Variants in LRBA observed in about 807,000 individuals in gnomAD.
LRBA encodes lipopolysaccharide-responsive and beige-like anchor protein.
Under a neutral mutation model 330.0 loss-of-function variants are expected in LRBA, and 176 were observed. The ratio of observed to expected loss-of-function variants is 0.53; its 90% CI spans 0.47 to 0.60. The LOEUF is 0.60. Ranked by LOEUF, LRBA falls within the 20% of genes least tolerant of loss-of-function variation. The probability of loss-of-function intolerance (pLI) is 0.00; values close to 1 mark genes in which losing one functional copy is unlikely to be tolerated. For missense variants in LRBA, 3,259 were observed against 3,444.8 expected (o/e 0.95, Z 1.35); for synonymous variants, 1,230 against 1,193.0 (o/e 1.03, Z -0.64).
intron 44 of LRBA, among the ~76,000 whole-genome samples, chr4:150,445,377 C>CTCTCTCTA (rs1454079183): frequency 3.2e-4 from 25 of 78,628 alleles, no homozygotes; most frequent in South Asian, 5.5e-4. Flanking sequence ...CTCTCTCTCT[C>CTCTCTCTA]TATATATATA....
At position 150,588,052 on chromosome 4, in the gene LRBA, G is replaced by A; in HGVS notation, c.6326C>T (p.Pro2109Leu). ...GAAACCCCTTCATCTTCTCACCTTGGGGTCGATTTTTTTGAAGTTAGGATC... is the reference window on the plus strand; with the variant it reads ...GAAACCCCTTCATCTTCTCACCTTGAGGTCGATTTTTTTGAAGTTAGGATC... ...EEDPNFKKID[P>L]KILAYTEGLH... The change falls in exon 40 of 57, where the codon CCC becomes CTC. Residue 2109 changes from proline (P) to leucine (L), a missense_variant. Transcript: ENST00000651943. The A allele has an allele frequency of 6.2e-7, 1 of 1,611,370 alleles. No homozygotes were observed. Among genetic ancestry groups the A allele is most frequent in the African/African-American group, 1.3e-5 (1 of 74,872 alleles).
Position 151,011,509 on chromosome 4 carries a change from A to G in LRBA, c.216+2918T>C, listed in dbSNP as rs192624207. Among the ~76,000 whole-genome samples, 289 of 150,676 alleles carry G rather than the reference A, an allele frequency of 1.9e-3. 1 individual carries two copies. The highest frequency in any genetic ancestry group is 6.6e-3 in the African/African-American group (272 of 41,104). Reference sequence around the variant, plus strand: ...GCTACTTGGGAGTCTGAGGCAGGAGAATCACTTGAACTCAGGAGGCAGAGG... The same window carrying G: ...GCTACTTGGGAGTCTGAGGCAGGAGGATCACTTGAACTCAGGAGGCAGAGG... On this transcript the variant is annotated intron_variant, in intron 2 of 56. Transcript: ENST00000651943.
chr4:150,968,809 T>G (rs1259248173), intron 2 of LRBA, among the ~76,000 whole-genome samples: 1 of 152,168 alleles, frequency 6.6e-6, no homozygotes, highest in Non-Finnish European at 1.5e-5. Flanking sequence ...ATCTAGGACT[T>G]TCCTAGATAC....
At chr4:150,533,866 A>G (rs1428347912) in intron 40 of LRBA, among the ~76,000 whole-genome samples, 2 of 152,272 alleles carry the variant, frequency 1.3e-5, no homozygotes, top group East Asian at 3.9e-4. Flanking sequence ...ACAGTGGCTG[A>G]TAAGTCAATC....
At chr4:150,726,463 T>G (rs1729687736) in intron 36 of LRBA, among the ~76,000 whole-genome samples, 1 of 152,126 alleles carries the variant, frequency 6.6e-6, no homozygotes, top group Admixed American at 6.5e-5. Context: ...TAAATAAATA[T>G]GCACTGTATT....
intron 2 of LRBA, among the ~76,000 whole-genome samples, chr4:151,005,123 A>G (rs1168417516): frequency 1.3e-5 from 2 of 152,018 alleles, no homozygotes; most frequent in East Asian, 3.9e-4. Flanking sequence ...AAATCCCACA[A>G]AAATTTAGTT....
intron 40 of LRBA, among the ~76,000 whole-genome samples, chr4:150,562,678 C>A (rs1447065697): frequency 6.6e-6 from 1 of 152,138 alleles, no homozygotes; most frequent in Non-Finnish European, 1.5e-5. Context: ...AATTTATCTG[C>A]ATTCAAGACA....
intron 48 of LRBA, among the ~76,000 whole-genome samples, chr4:150,337,764 G>A (rs147638583): frequency 7.9e-5 from 12 of 152,104 alleles, no homozygotes; most frequent in African/African-American, 2.9e-4. Flanking sequence ...CACTGTAATC[G>A]TGTCCTACTC....
chr4:150,340,316 A>G (rs752337951), intron 48 of LRBA, among the ~76,000 whole-genome samples: 1 of 152,348 alleles, frequency 6.6e-6, no homozygotes, highest in South Asian at 2.1e-4. Flanking sequence ...TAAATAGTAC[A>G]TGAACATTTT....
At chr4:150,940,141 T>A (rs1442062880) in intron 2 of LRBA, among the ~76,000 whole-genome samples, 2 of 151,864 alleles carry the variant, frequency 1.3e-5, no homozygotes, top group Non-Finnish European at 2.9e-5. Context: ...TAGTGGCTTA[T>A]GCCTGTAATC....
At chr4:150,837,584 G>C (rs1191389280) in intron 28 of LRBA, among the ~76,000 whole-genome samples, 1 of 152,106 alleles carries the variant, frequency 6.6e-6, no homozygotes, top group African/African-American at 2.4e-5. Flanking sequence ...TTGGTTTAAA[G>C]TCTGTTTTAT....
intron 28 of LRBA, among the ~76,000 whole-genome samples, chr4:150,835,205 T>C (rs888263966): frequency 6.6e-6 from 1 of 152,226 alleles, no homozygotes; most frequent in Non-Finnish European, 1.5e-5. Context: ...TTGGTTACTG[T>C]AGCCTTATAG....
intron 37 of LRBA, among the ~76,000 whole-genome samples, chr4:150,659,911 A>G (rs1442821684): frequency 2.5e-4 from 8 of 31,722 alleles, no homozygotes; most frequent in Admixed American, 3.6e-4. Context: ...TGGGGGGGTC[A>G]GCCCCCCGCC....
chr4:150,819,773 A>C (rs1745151935), intron 30 of LRBA, among the ~76,000 whole-genome samples: 3 of 152,118 alleles, frequency 2.0e-5, no homozygotes, highest in African/African-American at 7.2e-5. Flanking sequence ...ACTCAACTTC[A>C]TTTCTAATCC....
chr4:150,870,998 C>G (rs1419776398), intron 19 of LRBA, among the ~76,000 whole-genome samples: 1 of 152,154 alleles, frequency 6.6e-6, no homozygotes, highest in Non-Finnish European at 1.5e-5. Context: ...AATCCCAGCA[C>G]TTTGGGAGGC....
intron 40 of LRBA, among the ~76,000 whole-genome samples, chr4:150,501,738 G>A (rs778760713): frequency 6.6e-6 from 1 of 152,078 alleles, no homozygotes; most frequent in Non-Finnish European, 1.5e-5. Flanking sequence ...TCAAGGGTCA[G>A]AATACTTCCA....
intron 56 of LRBA, 144 bp downstream of exon 56, chr4:150,277,709 C>T: frequency 1.2e-6 from 1 of 832,314 alleles, no homozygotes; most frequent in Non-Finnish European, 1.9e-6. Flanking sequence ...GCAATGTTGC[C>T]CAGGCTGGCT....
chr4:150,859,195 C>A (rs192444500), intron 22 of LRBA, among the ~76,000 whole-genome samples: 52 of 152,008 alleles, frequency 3.4e-4, no homozygotes, highest in Middle Eastern at 3.5e-3. Context: ...GGAGGAAATC[C>A]AATTCATATT....
intron 40 of LRBA, among the ~76,000 whole-genome samples, chr4:150,559,752 A>G (rs2152267393): frequency 1.1e-5 from 1 of 88,546 alleles, no homozygotes; most frequent in South Asian, 2.6e-4. Context: ...TATAATATAT[A>G]TAACATTATA....
Sources: gnomAD v4.1 joint callset for allele counts (sites outside exome capture counted in the v4.1 genomes callset) on GRCh38, gnomAD v4.1.1 for gene constraint, MANE v1.5 for transcripts, NCBI Gene and HGNC (gene_info 2026-07-23, HGNC 2026-07-21) for gene names.